The following RBM18 variants were observed in gnomAD, a reference collection of about 807,000 sequenced individuals.
RBM18 encodes the protein RNA binding motif protein 18.
In RBM18, 18 loss-of-function variants were observed where a neutral mutation model predicts 26.4. That is an observed-to-expected ratio of 0.68 (90% CI 0.47 to 1.01). The LOEUF is 1.01. Among genes scored for constraint, RBM18 ranks in the 50% least tolerant of loss-of-function variants. RBM18 has a pLI of 0.00. For synonymous variants in RBM18, 74 were observed against 81.1 expected, an observed-to-expected ratio of 0.91 and a Z score of 0.47; for missense variants, 180 against 219.2, an observed-to-expected ratio of 0.82 and a Z score of 1.13.
chr9:122,250,908 T>TATTATC (rs1831592322), intron 3 of RBM18, among the ~76,000 whole-genome samples: 1 of 150,526 alleles, frequency 6.6e-6, no homozygotes, highest in East Asian at 1.9e-4. Context: ...TACAAATTAT[T>TATTATC]ATTATTATTA....
chr9:122,262,855 G>C (rs373885471), intron 1 of RBM18, among the ~76,000 whole-genome samples: 3 of 152,314 alleles, frequency 2.0e-5, no homozygotes, highest in African/African-American at 7.2e-5. Context: ...AAAGTGCTGG[G>C]ATTACAGGTG....
intron 3 of RBM18, among the ~76,000 whole-genome samples, chr9:122,248,511 C>T (rs560316357): frequency 6.6e-6 from 1 of 152,292 alleles, no homozygotes; most frequent in African/African-American, 2.4e-5. Flanking sequence ...CCGGAAAAAG[C>T]AGGAGTGAGT....
rs1038449717 is a variant in RBM18 at position 122,240,427 on chromosome 9, C to G, written c.*1457G>C. The G allele has an allele frequency of 1.1e-4, 16 of 152,302 alleles. No individual in the cohort carries two copies. The highest frequency in any genetic ancestry group is 2.2e-4 in the Non-Finnish European group (15 of 68,010). 9.4% of individuals were successfully genotyped at this position (152,302 alleles called of 1,614,324 possible). The stretch of plus-strand genomic sequence containing the variant: ...TTTCCTTAAACCAGTTTTATGAATT[C>G]TAAAACCTCCCTCTACTGAAGTTTT... On this transcript the variant is annotated 3_prime_UTR_variant, in exon 6 of 6. Coordinates refer to ENST00000417201, the MANE Select transcript of RBM18 (RefSeq NM_033117.4).
intron 2 of RBM18, among the ~76,000 whole-genome samples, chr9:122,258,639 G>C (rs1011739660): frequency 1.3e-5 from 2 of 151,972 alleles, no homozygotes; most frequent in African/African-American, 4.8e-5. Context: ...AATGTTTTAA[G>C]GTAAAGAATC....
chr9:122,244,932 A>T (rs2118952410), intron 5 of RBM18, among the ~76,000 whole-genome samples: 1 of 152,354 alleles, frequency 6.6e-6, no homozygotes, highest in Admixed American at 6.5e-5. Context: ...AATGCCAAAG[A>T]GACCCAAGGC....
At chr9:122,254,797 G>A (rs1213207756) in intron 2 of RBM18, among the ~76,000 whole-genome samples, 1 of 152,246 alleles carries the variant, frequency 6.6e-6, no homozygotes, top group Non-Finnish European at 1.5e-5. Flanking sequence ...AAGACAGAGA[G>A]AGATGTAATC....
intron 5 of RBM18, 54 bp from the exon 6 acceptor site, chr9:122,242,097 G>C (rs2118948091): frequency 1.9e-6 from 3 of 1,563,640 alleles, no homozygotes; most frequent in South Asian, 2.3e-5. Flanking sequence ...TCAGAAAATA[G>C]CTGTACAGTT....
intron 2 of RBM18, among the ~76,000 whole-genome samples, chr9:122,253,173 T>G (rs187468732): frequency 6.6e-6 from 1 of 152,216 alleles, no homozygotes; most frequent in South Asian, 2.1e-4. Flanking sequence ...TATATTCACA[T>G]TGTTTTCTAA....
At chr9:122,257,925 TTC>T (rs147996563) in intron 2 of RBM18, among the ~76,000 whole-genome samples, 4,405 of 152,308 alleles carry the variant, frequency 0.029, 77 homozygotes, top group Non-Finnish European at 0.038. Flanking sequence ...CTCTGCAAAT[TTC>T]TGTTAAGAGT....
At position 122,245,268 on chromosome 9, in the gene RBM18, T is replaced by C; in HGVS notation, c.401A>G (p.Gln134Arg). Reference sequence around the variant, plus strand: ...TACATCATCTTACCTTAGGTTAGACTGAGTAGGCTCAGTGCTTGAGGATGG... The same window carrying C: ...TACATCATCTTACCTTAGGTTAGACCGAGTAGGCTCAGTGCTTGAGGATGG... ...LEPSSSTEPT[Q>R]SNLSVTAKIK... Residue 134 changes from glutamine (Q) to arginine (R), a missense_variant, in exon 5 of 6, where the codon CAG (glutamine) becomes CGG (arginine). Physicochemically the swap from Gln to Arg is conservative, Grantham distance 43 (BLOSUM62 1). Coordinates refer to ENST00000417201, the MANE Select transcript of RBM18 (RefSeq NM_033117.4). 6.3e-7 allele frequency: 1 copy of C among 1,598,330 alleles called. No homozygotes were observed.
At chr9:122,254,729 T>C (rs896645778) in intron 2 of RBM18, among the ~76,000 whole-genome samples, 1 of 152,260 alleles carries the variant, frequency 6.6e-6, no homozygotes, top group Non-Finnish European at 1.5e-5. Context: ...AGCAGGCTTA[T>C]GGGCTATGCA....
intron 4 of RBM18, 35 bp from the exon 5 acceptor site, chr9:122,245,376 G>T: frequency 1.5e-6 from 2 of 1,357,176 alleles, no homozygotes. Flanking sequence ...ACTTCACATG[G>T]GCAGAAACCA....
At chr9:122,258,950 T>C (rs1831743727) in intron 2 of RBM18, among the ~76,000 whole-genome samples, 1 of 142,718 alleles carries the variant, frequency 7.0e-6, no homozygotes, top group African/African-American at 2.6e-5. Flanking sequence ...AAAGAATCTA[T>C]AGGAAAAAAT....
intron 4 of RBM18, 146 bp downstream of exon 4, chr9:122,247,372 A>T: frequency 1.5e-6 from 1 of 670,140 alleles, no homozygotes; most frequent in Admixed American, 2.3e-5. Context: ...AAATCGGGCA[A>T]CACACATGGT....
Position 122,240,532 on chromosome 9 carries a change from G to A in RBM18, c.*1352C>T, listed in dbSNP as rs1334575377. 2.6e-5 allele frequency: 4 copies of A among 152,130 alleles called. No individual in the cohort carries two copies. The highest frequency in any genetic ancestry group is 9.7e-5 in the African/African-American group (4 of 41,414). The allele number at this position is 152,130 out of a possible 1,614,324, so 9.4% of individuals were successfully genotyped here. A position where few individuals can be genotyped will look rare whatever the true frequency, so the allele number is the denominator to read the frequency against. On this transcript the variant is annotated 3_prime_UTR_variant, in exon 6 of 6. Transcript: ENST00000417201. The stretch of plus-strand genomic sequence containing the variant: ...TTGAAAGCTTCCTCTTGCTAACAAC[G>A]ATAGTGATAAACATTCTGTCATCAC...
At position 122,238,496 on chromosome 9, in the gene RBM18, G is replaced by T. The variant is rs1206258095; in HGVS notation, c.*3388C>A. ...GTCAGGTGAGAGAGCGGGCTCTGCG[G>T]CTATCTGGAGAAAGAGCGTTCTAAG... On this transcript the variant is annotated 3_prime_UTR_variant, in exon 6 of 6. Transcript: ENST00000417201. 1 of 152,214 alleles carries T rather than the reference G, an allele frequency of 6.6e-6. No individual in the cohort carries two copies. Among genetic ancestry groups the T allele is most frequent in the Non-Finnish European group, 1.5e-5 (1 of 68,026 alleles). 9.4% of individuals were successfully genotyped at this position (152,214 alleles called of 1,614,324 possible).
At chr9:122,243,248 AG>A (rs1188322194) in intron 5 of RBM18, among the ~76,000 whole-genome samples, 1 of 152,222 alleles carries the variant, frequency 6.6e-6, no homozygotes, top group East Asian at 1.9e-4. Context: ...CTGGGATTAC[AG>A]GCATGAGCCA....
chr9:122,262,087 T>C (rs540572424), intron 1 of RBM18, among the ~76,000 whole-genome samples: 1 of 151,954 alleles, frequency 6.6e-6, no homozygotes, highest in Non-Finnish European at 1.5e-5. Flanking sequence ...TCTAGAGAGA[T>C]AATAGTGCTT....
chr9:122,241,988 G>C lies in RBM18; in HGVS notation c.469C>G (p.Pro157Ala). The C allele has an allele frequency of 1.2e-6, 2 of 1,614,016 alleles. No individual in the cohort carries two copies. The highest frequency in any genetic ancestry group is 1.7e-6 in the Non-Finnish European group (2 of 1,179,994). Reference sequence around the variant, plus strand: ...GGCGCTGCTGGATACTCTGCATCAGGATTTTCCGCCATCATTTTCAGTTTT... The same window carrying C: ...GGCGCTGCTGGATACTCTGCATCAGCATTTTCCGCCATCATTTTCAGTTTT... ...EAKLKMMAEN[P>A]DAEYPAAPVY... The change falls in exon 6 of 6, where the codon CCT becomes GCT. Residue 157 changes from proline to alanine, a missense_variant. Physicochemically the swap from Pro to Ala is conservative, Grantham distance 27 (BLOSUM62 -1). Transcript: ENST00000417201.
Sources: allele counts gnomAD v4.1 joint callset (sites outside exome capture counted in the v4.1 genomes callset), GRCh38; gene constraint gnomAD v4.1.1; transcripts MANE v1.5; gene names NCBI Gene and HGNC (gene_info 2026-07-23, HGNC 2026-07-21).